Variants in UBE2K observed in about 807,000 individuals in gnomAD.
UBE2K encodes the protein ubiquitin-conjugating enzyme E2 K.
A neutral mutation model predicts 30.0 loss-of-function variants in UBE2K; 6 were observed. The ratio of observed to expected loss-of-function variants is 0.20; its 90% CI spans 0.11 to 0.39. The LOEUF (loss-of-function observed/expected upper bound fraction) is 0.39. Ranked by LOEUF, UBE2K falls within the 10% of genes least tolerant of loss-of-function variation. The probability of loss-of-function intolerance (pLI) is 1.00; values close to 1 mark genes in which losing one functional copy is unlikely to be tolerated. For synonymous variants in UBE2K, 86 were observed against 83.7 expected (o/e 1.03, Z -0.15); for missense variants, 61 against 241.6 (o/e 0.25, Z 4.96).
intron 3 of UBE2K, among the ~76,000 whole-genome samples, chr4:39,747,778 G>A (rs936902098): frequency 2.1e-4 from 31 of 151,170 alleles, no homozygotes; most frequent in African/African-American, 7.0e-4. Flanking sequence ...TACCTCGCCC[G>A]GCTAATTTTG....
chr4:39,778,508 C>T lies in UBE2K; in HGVS notation c.*74C>T, dbSNP rs1713412270. ...ACCAACATCTGTTATTTTTAGGATT[C>T]TGCATAGATTTCTTTTAAACTGGCA... On this transcript the variant is annotated 3_prime_UTR_variant, in exon 7 of 7. Coordinates refer to ENST00000261427, the MANE Select transcript of UBE2K (RefSeq NM_005339.5). 4.0e-6 allele frequency: 4 copies of T among 1,000,508 alleles called. No homozygotes were observed. Among genetic ancestry groups the T allele is most frequent in the Non-Finnish European group, 6.1e-6 (4 of 654,700 alleles). The allele number at this position is 1,000,508 out of a possible 1,614,324, so 62.0% of individuals were successfully genotyped here.
rs1412677764 is a variant in UBE2K, at chr4:39,745,819, A to T, written c.216+9A>T. On this transcript the variant is annotated intron_variant, in intron 3 of 6. Transcript: ENST00000261427. ...CATTTAATCCCCCTAAGGTATTGTA[A>T]GCCTATTTTTGTGCATGAAGTTACA... 13 of 1,585,522 alleles carry T rather than the reference A, an allele frequency of 8.2e-6. No individual in the cohort carries two copies. Among genetic ancestry groups the T allele is most frequent in the Non-Finnish European group, 1.1e-5 (13 of 1,165,510 alleles).
chr4:39,759,370 G>A lies in UBE2K; in HGVS notation c.299+3631G>A, dbSNP rs9998102. Among the ~76,000 whole-genome samples the A allele has an allele frequency of 7.7e-3, 1,169 of 152,118 alleles. 15 individuals carry two copies. Among genetic ancestry groups the A allele is most frequent in the African/African-American group, 0.026 (1,086 of 41,488 alleles). ...CTGCTCACTGCAACCTCCGCCTCCC[G>A]GGCTCAAGCAGTTCTCCTGCCTCGG... On this transcript the variant is annotated intron_variant, in intron 4 of 6. Transcript: ENST00000261427.
intron 4 of UBE2K, among the ~76,000 whole-genome samples, chr4:39,765,937 A>ATACATACG (rs1491095999): frequency 1.4e-4 from 21 of 151,932 alleles, no homozygotes; most frequent in Non-Finnish European, 2.2e-4. Flanking sequence ...ACATACATAC[A>ATACATACG]TACACACACA....
chr4:39,732,605 C>T (rs1461736193), intron 1 of UBE2K, among the ~76,000 whole-genome samples: 1 of 150,782 alleles, frequency 6.6e-6, no homozygotes, highest in African/African-American at 2.4e-5. Context: ...TGCTATTTTG[C>T]ATGCTTCATG....
chr4:39,770,620 C>T (rs1578504671), intron 4 of UBE2K: 3 of 1,596,724 alleles, frequency 1.9e-6, no homozygotes, highest in Non-Finnish European at 2.6e-6. Flanking sequence ...AGGCTCTCCC[C>T]TTCTGCGTTC....
intron 1 of UBE2K, among the ~76,000 whole-genome samples, chr4:39,726,710 C>T (rs1250270378): frequency 6.6e-6 from 1 of 152,186 alleles, no homozygotes; most frequent in Non-Finnish European, 1.5e-5. Context: ...ATTCTCCTCC[C>T]TCAGCCTCCT....
At chr4:39,774,977 G>GATATTATGTATATTATGTATAT (rs1578513321) in intron 5 of UBE2K, 44 bp downstream of exon 5, 1 of 1,359,290 alleles carries the variant, frequency 7.4e-7, no homozygotes, top group Non-Finnish European at 1.0e-6. Flanking sequence ...TTATGTATGA[G>GATATTATGTATATTATGTATAT]TCTCTAGCCA....
In UBE2K at chr4:39,781,700, A is replaced by T; in HGVS notation, c.*3266A>T. ...GCCAGGTATACCTTCTAGTATGTAG[A>T]GGGAAACAATGTTTAGATAGGAAAA... is the stretch of plus-strand genomic sequence containing the variant. On this transcript the variant is annotated 3_prime_UTR_variant, in exon 7 of 7. Coordinates refer to ENST00000261427, the MANE Select transcript of UBE2K (RefSeq NM_005339.5). The T allele has an allele frequency of 2.6e-6, 1 of 378,542 alleles. No individual in the cohort carries two copies. The highest frequency in any genetic ancestry group is 4.7e-6 in the Non-Finnish European group (1 of 213,234). 23.4% of individuals were successfully genotyped at this position (378,542 alleles called of 1,614,324 possible).
At position 39,771,388 on chromosome 4, in the gene UBE2K, G is replaced by A. The variant is rs1378562954; in HGVS notation, c.300-3446G>A. The A allele has an allele frequency of 1.4e-5, 23 of 1,611,948 alleles. 1 individual carries two copies. The South Asian group carries it at 2.4e-4, about 17-fold the overall frequency. On this transcript the variant is annotated intron_variant, in intron 4 of 6. Coordinates refer to ENST00000261427, the MANE Select transcript of UBE2K (RefSeq NM_005339.5). ...CTTGTTCATGTTCCGTAGCGTAGCG[G>A]CCTAGTGGCCGGGCAGCTGGAAGCG...
intron 4 of UBE2K, among the ~76,000 whole-genome samples, chr4:39,763,530 A>G (rs899206897): frequency 2.0e-5 from 3 of 151,844 alleles, no homozygotes; most frequent in African/African-American, 7.3e-5. Context: ...GATTACAGGC[A>G]TGAGCCACCA....
At chr4:39,766,038 A>G (rs1048660190) in intron 4 of UBE2K, among the ~76,000 whole-genome samples, 1 of 152,164 alleles carries the variant, frequency 6.6e-6, no homozygotes, top group Non-Finnish European at 1.5e-5. Flanking sequence ...CCTTCTGGCT[A>G]TTGTGAATAA....
intron 1 of UBE2K, among the ~76,000 whole-genome samples, chr4:39,730,335 T>G (rs192781159): frequency 4.6e-5 from 7 of 152,062 alleles, no homozygotes; most frequent in Admixed American, 3.9e-4. Flanking sequence ...CAGACACACG[T>G]TTTTTGTTTT....
At chr4:39,725,096 C>T (rs1719669106) in intron 1 of UBE2K, among the ~76,000 whole-genome samples, 2 of 151,862 alleles carry the variant, frequency 1.3e-5, no homozygotes, top group African/African-American at 2.4e-5. Flanking sequence ...CAAAAGCCTT[C>T]GTGGCCAGGC....
At chr4:39,699,801 TA>T in intron 1 of UBE2K, among the ~76,000 whole-genome samples, 1 of 152,178 alleles carries the variant, frequency 6.6e-6, no homozygotes, top group Non-Finnish European at 1.5e-5. Context: ...GAAAGTAGTA[TA>T]TAAGTCATGG....
At chr4:39,763,360 T>G (rs1712099691) in intron 4 of UBE2K, among the ~76,000 whole-genome samples, 1 of 151,996 alleles carries the variant, frequency 6.6e-6, no homozygotes, top group Admixed American at 6.6e-5. Context: ...CAAGTGATTC[T>G]CCTGCCTCAG....
At chr4:39,778,117 A>C (rs1336690143) in intron 6 of UBE2K, among the ~76,000 whole-genome samples, 1 of 150,990 alleles carries the variant, frequency 6.6e-6, no homozygotes, top group Non-Finnish European at 1.5e-5. Flanking sequence ...AAAAAAAAAA[A>C]AAAAAAGGAA....
intron 1 of UBE2K, among the ~76,000 whole-genome samples, chr4:39,701,093 TG>T (rs1717983877): frequency 6.6e-6 from 1 of 152,218 alleles, no homozygotes; most frequent in African/African-American, 2.4e-5. Context: ...AGGCATCATT[TG>T]GCCTCTTTCC....
In UBE2K at chr4:39,698,407, C is replaced by G. The variant is rs371993259; in HGVS notation, c.63+17C>G. Reference sequence around the variant, plus strand: ...AGCGAGGAGGTCAGAAATGAACTCCCGGATATCCCCCACCTCTGCCTGGGG... The same window carrying G: ...AGCGAGGAGGTCAGAAATGAACTCCGGGATATCCCCCACCTCTGCCTGGGG... On this transcript the variant is annotated intron_variant, in intron 1 of 6. Coordinates refer to ENST00000261427, the MANE Select transcript of UBE2K (RefSeq NM_005339.5). The G allele has an allele frequency of 5.0e-6, 8 of 1,604,480 alleles. No individual in the cohort carries two copies. The African/African-American group carries it at 8.0e-5, about 16-fold the overall frequency.
Sources: gnomAD v4.1 joint callset for allele counts (sites outside exome capture counted in the v4.1 genomes callset) on GRCh38, gnomAD v4.1.1 for gene constraint, MANE v1.5 for transcripts, NCBI Gene and HGNC (gene_info 2026-07-23, HGNC 2026-07-21) for gene names.